The following CD86 variants were observed in gnomAD, a reference collection of about 807,000 sequenced individuals.
CD86 encodes the protein CD86 molecule, also known as T-lymphocyte activation antigen CD86.
A neutral mutation model predicts 32.1 loss-of-function variants in CD86; 11 were observed. The ratio of observed to expected loss-of-function variants is 0.34; its 90% CI spans 0.22 to 0.57. The LOEUF (loss-of-function observed/expected upper bound fraction) is 0.57. Ranked by LOEUF, CD86 falls within the 20% of genes least tolerant of loss-of-function variation. The pLI, the probability that CD86 is intolerant of heterozygous loss-of-function variation, is 0.86. For missense variants in CD86, 359 were observed against 398.4 expected, an observed-to-expected ratio of 0.90 and a Z score of 0.84; for synonymous variants, 137 against 135.3, an observed-to-expected ratio of 1.01 and a Z score of -0.09.
chr3:122,118,191 G>A (rs557112223), intron 6 of CD86, 98 bp downstream of exon 6: 2 of 988,484 alleles, frequency 2.0e-6, no homozygotes, highest in Non-Finnish European at 3.2e-6. Flanking sequence ...TGAGACCTCA[G>A]CAAACCTGAA....
At chr3:122,074,173 C>A (rs552170316) in intron 1 of CD86, among the ~76,000 whole-genome samples, 1 of 152,360 alleles carries the variant, frequency 6.6e-6, no homozygotes, top group South Asian at 2.1e-4. Flanking sequence ...AGCATGCTGC[C>A]TTTCTAGGCA....
chr3:122,075,069 AG>A (rs2107510928), intron 1 of CD86, among the ~76,000 whole-genome samples: 1 of 151,854 alleles, frequency 6.6e-6, no homozygotes, highest in African/African-American at 2.4e-5. Context: ...AGATGGGGCA[AG>A]GGGGTTGCGA....
chr3:122,109,020 T>C (rs1011209098), intron 4 of CD86, among the ~76,000 whole-genome samples: 1 of 152,108 alleles, frequency 6.6e-6, no homozygotes, highest in African/African-American at 2.4e-5. Context: ...GTCGGTGTTA[T>C]CCCCACCTCC....
Position 122,062,222 on chromosome 3 carries a change from C to T in CD86, c.14+6719C>T, listed in dbSNP as rs112451719. Among the ~76,000 whole-genome samples, 419 of 152,030 alleles carry T rather than the reference C, an allele frequency of 2.8e-3. 3 individuals are homozygous for T. The highest frequency in any genetic ancestry group is 9.6e-3 in the African/African-American group (398 of 41,448). On this transcript the variant is annotated intron_variant, in intron 1 of 6. Transcript: ENST00000330540. ...TTTGGGAGGGTTGGGAGTAATCATG[C>T]TAATAAGTATGCAATAAGAGGATAC...
chr3:122,110,627 G>C (rs182852003), intron 5 of CD86, among the ~76,000 whole-genome samples: 2 of 152,166 alleles, frequency 1.3e-5, no homozygotes, highest in African/African-American at 4.8e-5. Context: ...AGCAACGATC[G>C]AATTTAAATA....
chr3:122,093,049 C>T (rs773614820), intron 2 of CD86, among the ~76,000 whole-genome samples: 2 of 152,208 alleles, frequency 1.3e-5, no homozygotes, highest in Admixed American at 6.5e-5. Context: ...GCTACCTTAG[C>T]TCCTGGGGAT....
Position 122,115,498 on chromosome 3 carries a change from A to C in CD86, c.848-2550A>C, listed in dbSNP as rs145938821. ...CTGGTAAGCTCTCTAATAGATACTA[A>C]AAATCTTACTCGAAAAGTTATAGGG... On this transcript the variant is annotated intron_variant, in intron 5 of 6. Coordinates refer to ENST00000330540, the MANE Select transcript of CD86 (RefSeq NM_175862.5). Among the ~76,000 whole-genome samples the C allele has an allele frequency of 1.2e-4, 19 of 152,296 alleles. No individual in the cohort carries two copies. In the East Asian group the frequency reaches 3.5e-3, roughly 28 times the overall value.
At chr3:122,101,547 TC>T (rs2073010293) in intron 2 of CD86, among the ~76,000 whole-genome samples, 1 of 129,846 alleles carries the variant, frequency 7.7e-6, no homozygotes, top group African/African-American at 3.1e-5. Flanking sequence ...TATATGTAAA[TC>T]AAGAAGACAG....
intron 6 of CD86, among the ~76,000 whole-genome samples, chr3:122,118,687 T>C (rs2073294926): frequency 6.6e-6 from 1 of 152,246 alleles, no homozygotes; most frequent in South Asian, 2.1e-4. Context: ...TGTAATTATC[T>C]TATTAAACTC....
intron 1 of CD86, among the ~76,000 whole-genome samples, chr3:122,074,485 T>C (rs2072530841): frequency 1.3e-5 from 2 of 152,248 alleles, no homozygotes; most frequent in Non-Finnish European, 2.9e-5. Context: ...TAATTATTTG[T>C]GGAAACTATT....
At chr3:122,119,098 C>T (rs2073302096) in intron 6 of CD86, among the ~76,000 whole-genome samples, 1 of 152,106 alleles carries the variant, frequency 6.6e-6, no homozygotes, top group Admixed American at 6.6e-5. Context: ...ACTAATAATT[C>T]CGGGCACCCT....
intron 1 of CD86, among the ~76,000 whole-genome samples, chr3:122,056,088 A>G (rs1466232978): frequency 2.0e-5 from 3 of 152,172 alleles, no homozygotes; most frequent in South Asian, 2.1e-4. Context: ...GTGCTATTTC[A>G]TTGAATTTTA....
At chr3:122,108,896 G>C (rs73858127) in intron 4 of CD86, among the ~76,000 whole-genome samples, 3,465 of 152,282 alleles carry the variant, frequency 0.023, 121 homozygotes, top group African/African-American at 0.078. Context: ...GACTGCAGAG[G>C]GGGGCAGGAT....
intron 1 of CD86, among the ~76,000 whole-genome samples, chr3:122,072,965 C>T (rs919006615): frequency 6.6e-6 from 1 of 151,878 alleles, no homozygotes; most frequent in African/African-American, 2.4e-5. Flanking sequence ...CCAGTTTTCC[C>T]AGCACCATTT....
intron 1 of CD86, among the ~76,000 whole-genome samples, chr3:122,073,691 C>T (rs1251195961): frequency 2.6e-5 from 4 of 151,884 alleles, no homozygotes; most frequent in Non-Finnish European, 5.9e-5. Flanking sequence ...GGCAATTGTG[C>T]AGCAGGGCTG....
chr3:122,094,561 C>T (rs2072877110), intron 2 of CD86, among the ~76,000 whole-genome samples: 1 of 152,150 alleles, frequency 6.6e-6, no homozygotes, highest in Admixed American at 6.5e-5. Flanking sequence ...CAGGGCACAC[C>T]TCTGCTTACT....
chr3:122,058,766 A>T (rs1020559945), intron 1 of CD86, among the ~76,000 whole-genome samples: 1 of 152,166 alleles, frequency 6.6e-6, no homozygotes, highest in Admixed American at 6.5e-5. Flanking sequence ...TTTAAAAAAA[A>T]TCCCTTGGCA....
In CD86 at chr3:122,103,584, A is replaced by C. The variant is rs1482946355; in HGVS notation, c.137A>C (p.Gln46Pro). The change falls in exon 3 of 7, where the codon CAA becomes CCA. Residue 46 changes from glutamine (Q) to proline (P), a missense_variant. Coordinates refer to ENST00000330540, the MANE Select transcript of CD86 (RefSeq NM_175862.5). ...ADLPCQFANS[Q>P]NQSLSELVVF... ...CTGCCATGCCAATTTGCAAACTCTC[A>C]AAACCAAAGCCTGAGTGAGCTAGTA... is the stretch of plus-strand genomic sequence containing the variant. 6.2e-7 allele frequency: 1 copy of C among 1,614,006 alleles called. No individual in the cohort carries two copies. The highest frequency in any genetic ancestry group is 1.3e-5 in the African/African-American group (1 of 75,028).
intron 3 of CD86, among the ~76,000 whole-genome samples, chr3:122,104,475 A>G (rs532610962): frequency 6.6e-6 from 1 of 152,140 alleles, no homozygotes; most frequent in Non-Finnish European, 1.5e-5. Context: ...AAACTATCAC[A>G]CAGTAAAATT....
Sources: gnomAD v4.1 joint callset for allele counts (sites outside exome capture counted in the v4.1 genomes callset) on GRCh38, gnomAD v4.1.1 for gene constraint, MANE v1.5 for transcripts, NCBI Gene and HGNC (gene_info 2026-07-23, HGNC 2026-07-21) for gene names.